Variants in SMIM26 observed in about 807,000 individuals in gnomAD.
SMIM26 encodes small integral membrane protein 26.
A neutral mutation model predicts 2.5 loss-of-function variants in SMIM26; 2 were observed. The ratio of observed to expected loss-of-function variants is 0.80; its 90% CI spans 0.33 to 2.53. The LOEUF (loss-of-function observed/expected upper bound fraction) is 2.53, where lower values mean the gene tolerates loss of function less well. Ranked by LOEUF, SMIM26 falls within the 30% of genes most tolerant of loss-of-function variation. The pLI, the probability that SMIM26 is intolerant of heterozygous loss-of-function variation, is 0.11. For missense variants in SMIM26, 77 were observed against 46.1 expected (o/e 1.67, Z -1.94); for synonymous variants, 32 against 17.8 (o/e 1.80, Z -2.01).
At chr20:18,567,879 C>CT (rs2060519510) in intron 1 of SMIM26, among the ~76,000 whole-genome samples, 1 of 152,208 alleles carries the variant, frequency 6.6e-6, no homozygotes, top group African/African-American at 2.4e-5. Flanking sequence ...GCAAGGTGGA[C>CT]TTTCAGAGAC....
chr20:18,567,891 C>T (rs986754100), intron 1 of SMIM26, among the ~76,000 whole-genome samples: 2 of 152,204 alleles, frequency 1.3e-5, no homozygotes, highest in African/African-American at 4.8e-5. Flanking sequence ...TTCAGAGACT[C>T]TGGCCGGTGA....
Position 18,569,319 on chromosome 20 carries a change from A to G in SMIM26, c.202A>G (p.Thr68Ala). ...AGGATTTTATGTGGAAACAGTTGTC[A>G]CATATAAAGAAGATTTTGTTCCAAA... ...PKGFYVETVVTYKEDFVPNTE... is the reference protein window; with the variant it reads ...PKGFYVETVVAYKEDFVPNTE... Residue 68 changes from threonine (T) to alanine (A), a missense_variant, in exon 2 of 2, where the codon ACA (threonine) becomes GCA (alanine). Physicochemically the swap from Thr to Ala is moderately conservative, Grantham distance 58. Transcript: ENST00000411646. 1 of 702,854 alleles carries G rather than the reference A, an allele frequency of 1.4e-6. No homozygotes were observed. The highest frequency in any genetic ancestry group is 2.6e-6 in the Non-Finnish European group (1 of 384,988). 43.5% of individuals were successfully genotyped at this position (702,854 alleles called of 1,614,324 possible). A position where few individuals can be genotyped will look rare whatever the true frequency, so the allele number is the denominator to read the frequency against.
chr20:18,569,069 C>T (rs1216627292), intron 1 of SMIM26, 167 bp from the exon 2 acceptor site: 20 of 540,196 alleles, frequency 3.7e-5, no homozygotes, highest in Middle Eastern at 5.0e-4. Context: ...CGTGAGCCAC[C>T]GCACCCAGCT....
chr20:18,567,945 A>G (rs1338718584), intron 1 of SMIM26, among the ~76,000 whole-genome samples: 1 of 152,334 alleles, frequency 6.6e-6, no homozygotes, highest in Non-Finnish European at 1.5e-5. Context: ...CTCATCGTAT[A>G]TGGCGAGCAA....
intron 1 of SMIM26, chr20:18,568,619 TTTTTCTTTTTGACAAG>T (rs2122215268): frequency 6.6e-6 from 1 of 152,008 alleles, no homozygotes; most frequent in East Asian, 1.9e-4. Context: ...GTTCTTTTTT[TTTTTCTTTTTGACAAG>T]GTCTCACCCT....
At position 18,567,946 on chromosome 20, in the gene SMIM26, T is replaced by C. The variant is rs543288045; in HGVS notation, c.118+350T>C. ...CAGTACTACTGTCCCTCATCGTATATGGCGAGCAATTTCAGTACTTTTAGC... is the reference window on the plus strand; with the variant it reads ...CAGTACTACTGTCCCTCATCGTATACGGCGAGCAATTTCAGTACTTTTAGC... On this transcript the variant is annotated intron_variant, in intron 1 of 1. Coordinates refer to ENST00000411646, the MANE Select transcript of SMIM26 (RefSeq NM_001348957.2). Among the ~76,000 whole-genome samples, 8 of 152,348 alleles carry C rather than the reference T, an allele frequency of 5.3e-5. No individual in the cohort carries two copies. In the South Asian group the frequency reaches 1.7e-3, roughly 32 times the overall value.
chr20:18,569,474 T>C lies in SMIM26; in HGVS notation c.*69T>C. On this transcript the variant is annotated 3_prime_UTR_variant, in exon 2 of 2. Coordinates refer to ENST00000411646, the MANE Select transcript of SMIM26 (RefSeq NM_001348957.2). ...AATTTGATAGTTGCCCTGATTCCCATTTTGGGTTTGTGAAAAGTGTATGTA... is the reference window on the plus strand; with the variant it reads ...AATTTGATAGTTGCCCTGATTCCCACTTTGGGTTTGTGAAAAGTGTATGTA... 1.4e-6 allele frequency: 1 copy of C among 702,148 alleles called. No homozygotes were observed. The highest frequency in any genetic ancestry group is 2.0e-5 in the Admixed American group (1 of 49,924). The allele number at this position is 702,148 out of a possible 1,614,324, so 43.5% of individuals were successfully genotyped here. A position where few individuals can be genotyped will look rare whatever the true frequency, so the allele number is the denominator to read the frequency against.
Position 18,567,592 on chromosome 20 carries a change from G to A in SMIM26, c.114G>A (p.Ser38=). ...ACTATAGCCGGACAATGGCGAAGTC[G>A]TCAGGTAGGGCTCTTCGGCGGGGCC... ...LLYYSRTMAK[S]SVDQKDGSAS... is the part of the protein sequence containing the mutation. The change falls in exon 1 of 2, where the codon TCG becomes TCA. Residue 38 remains serine (S), a synonymous_variant. Coordinates refer to ENST00000411646, the MANE Select transcript of SMIM26 (RefSeq NM_001348957.2). 1 of 703,076 alleles carries A rather than the reference G, an allele frequency of 1.4e-6. No homozygotes were observed. The highest frequency in any genetic ancestry group is 1.7e-5 in the African/African-American group (1 of 57,398). The allele number at this position is 703,076 out of a possible 1,614,324, so 43.6% of individuals were successfully genotyped here. A position where few individuals can be genotyped will look rare whatever the true frequency, so the allele number is the denominator to read the frequency against.
intron 1 of SMIM26, 194 bp from the exon 2 acceptor site, chr20:18,569,042 G>T: frequency 2.1e-6 from 1 of 477,054 alleles, no homozygotes; most frequent in Non-Finnish European, 3.7e-6. Flanking sequence ...CCCACAAAGT[G>T]AGATTGGGAT....
rs899159696 is a variant in SMIM26, at chr20:18,569,554, A to T, written c.*149A>T. ...ATAATATGCAATAAATATTTTCTTGAAGGAAACTATCTGCGTTTTCTTTTT... is the reference window on the plus strand; with the variant it reads ...ATAATATGCAATAAATATTTTCTTGTAGGAAACTATCTGCGTTTTCTTTTT... On this transcript the variant is annotated 3_prime_UTR_variant, in exon 2 of 2. Coordinates refer to ENST00000411646, the MANE Select transcript of SMIM26 (RefSeq NM_001348957.2). 1 of 622,704 alleles carries T rather than the reference A, an allele frequency of 1.6e-6. No individual in the cohort carries two copies. Among genetic ancestry groups the T allele is most frequent in the Non-Finnish European group, 2.9e-6 (1 of 350,000 alleles). 38.6% of individuals were successfully genotyped at this position (622,704 alleles called of 1,614,324 possible).
At chr20:18,567,952 G>A (rs914325217) in intron 1 of SMIM26, among the ~76,000 whole-genome samples, 1 of 152,194 alleles carries the variant, frequency 6.6e-6, no homozygotes, top group African/African-American at 2.4e-5. Flanking sequence ...TATATGGCGA[G>A]CAATTTCAGT....
At chr20:18,569,568 CGTTTTCTT>C, downstream of SMIM26, 1 of 524,028 alleles carries the variant, frequency 1.9e-6, no homozygotes, top group Non-Finnish European at 3.3e-6. Context: ...AAACTATCTG[CGTTTTCTT>C]TTTTTTTTTT....
chr20:18,568,458 A>T (rs1021228408), intron 1 of SMIM26, among the ~76,000 whole-genome samples: 2 of 152,050 alleles, frequency 1.3e-5, no homozygotes, highest in Non-Finnish European at 2.9e-5. Context: ...CCTGGGCAAC[A>T]TGGGGAGACC....
intron 1 of SMIM26, 85 bp downstream of exon 1, chr20:18,567,681 C>T (rs1206440973): frequency 1.5e-6 from 1 of 687,976 alleles, no homozygotes; most frequent in Non-Finnish European, 2.7e-6. Context: ...CTTCCCTGTC[C>T]TTTAAATCCC....
chr20:18,569,447 T>A lies in SMIM26; in HGVS notation c.*42T>A. The A allele has an allele frequency of 1.4e-6, 1 of 702,850 alleles. No homozygotes were observed. Among genetic ancestry groups the A allele is most frequent in the Non-Finnish European group, 2.6e-6 (1 of 384,962 alleles). The allele number at this position is 702,850 out of a possible 1,614,324, so 43.5% of individuals were successfully genotyped here. A position where few individuals can be genotyped will look rare whatever the true frequency, so the allele number is the denominator to read the frequency against. ...GAAAACCAGGACTTGGTTCAACATT[T>A]AAATTTGATAGTTGCCCTGATTCCC... On this transcript the variant is annotated 3_prime_UTR_variant, in exon 2 of 2. Transcript: ENST00000411646.
intron 1 of SMIM26, chr20:18,568,984 G>A (rs1353736310): frequency 1.2e-5 from 4 of 344,526 alleles, no homozygotes; most frequent in African/African-American, 6.3e-5. Context: ...CTACGTTGGC[G>A]AGGCTGGTCT....
At chr20:18,569,118 G>A (rs2060523527) in intron 1 of SMIM26, 118 bp from the exon 2 acceptor site, 4 of 563,094 alleles carry the variant, frequency 7.1e-6, no homozygotes, top group African/African-American at 5.6e-5. Context: ...CTTCATTATT[G>A]GGGTTGGAGA....
rs1458222354 is a variant in SMIM26, at chr20:18,567,478, C to T, written c.-1C>T. The T allele has an allele frequency of 1.4e-6, 1 of 703,044 alleles. No homozygotes were observed. The allele number at this position is 703,044 out of a possible 1,614,324, so 43.6% of individuals were successfully genotyped here. On this transcript the variant is annotated 5_prime_UTR_variant, in exon 1 of 2. Transcript: ENST00000411646. The stretch of plus-strand genomic sequence containing the variant: ...GAATCGAGGCACTCGCTGGCGTACC[C>T]ATGTATCGAAATGAGTTCACGGCCT...
chr20:18,568,290 T>G (rs150027158), intron 1 of SMIM26, among the ~76,000 whole-genome samples: 1 of 152,332 alleles, frequency 6.6e-6, no homozygotes, highest in Non-Finnish European at 1.5e-5. Context: ...TGCTGAAGAT[T>G]ACATTTGGTG....
Sources: allele counts gnomAD v4.1 joint callset (sites outside exome capture counted in the v4.1 genomes callset), GRCh38; gene constraint gnomAD v4.1.1; transcripts MANE v1.5; gene names NCBI Gene and HGNC (gene_info 2026-07-23, HGNC 2026-07-21).